DLG4: variants seen among roughly 807,000 people sequenced by gnomAD.
The protein encoded by DLG4 is disks large homolog 4.
A neutral mutation model predicts 93.8 loss-of-function variants in DLG4; 7 were observed. The ratio of observed to expected loss-of-function variants is 0.07; its 90% CI spans 0.04 to 0.14. The LOEUF (loss-of-function observed/expected upper bound fraction) is 0.14, where lower values mean the gene tolerates loss of function less well. Ranked by LOEUF, DLG4 falls within the 10% of genes least tolerant of loss-of-function variation. DLG4 has a pLI of 1.00. For synonymous variants in DLG4, 341 were observed against 387.6 expected, an observed-to-expected ratio of 0.88 and a Z score of 1.41; for missense variants, 545 against 992.9, an observed-to-expected ratio of 0.55 and a Z score of 6.06.
rs61283875 is a variant in DLG4 at position 7,187,547 on chromosome 17, C to CAATAATAATAATAAT, written c.*3146_*3160dup. On this transcript the variant is annotated 3_prime_UTR_variant, in exon 20 of 20. Transcript: ENST00000399506. ...GGCAACAAGAGCGAAACTCTGTCTC[C>CAATAATAATAATAAT]AATAATAATAATAATAATAATAATA... 5.6e-3 allele frequency among the ~76,000 whole-genome samples: 819 copies of CAATAATAATAATAAT among 145,854 alleles called. 3 individuals carry two copies. Among genetic ancestry groups the CAATAATAATAATAAT allele is most frequent in the African/African-American group, 7.3e-3 (289 of 39,638 alleles).
chr17:7,215,897 C>T (rs1212682614), intron 1 of DLG4, among the ~76,000 whole-genome samples: 4 of 141,936 alleles, frequency 2.8e-5, no homozygotes, highest in Non-Finnish European at 6.2e-5. Context: ...GTCCCACCCC[C>T]CAGCCCCCAG....
In DLG4 at chr17:7,195,717, C is replaced by T. The variant is rs1012984686; in HGVS notation, c.1301+503G>A. On this transcript the variant is annotated intron_variant, in intron 11 of 19. Transcript: ENST00000399506. The surrounding 1 kb of genome is among the most constrained non-coding windows in gnomAD (Gnocchi z 4.3). The stretch of plus-strand genomic sequence containing the variant: ...GGGACAGAAGTGGAGGGGTGACCCC[C>T]GGGGGCGGGAGAGAGGTGTGTTTTG... Among the ~76,000 whole-genome samples the T allele has an allele frequency of 1.3e-5, 2 of 151,966 alleles. No individual in the cohort carries two copies. Among genetic ancestry groups the T allele is most frequent in the Admixed American group, 6.6e-5 (1 of 15,258 alleles).
At position 7,195,359 on chromosome 17, in the gene DLG4, C is replaced by T. The variant is rs903673657; in HGVS notation, c.1301+861G>A. 1.3e-5 allele frequency among the ~76,000 whole-genome samples: 2 copies of T among 152,112 alleles called. No homozygotes were observed. The highest frequency in any genetic ancestry group is 2.9e-5 in the Non-Finnish European group (2 of 68,022). On this transcript the variant is annotated intron_variant, in intron 11 of 19. Coordinates refer to ENST00000399506, the MANE Select transcript of DLG4 (RefSeq NM_001321075.3). This position sits in a 1 kb window ranked among gnomAD's most constrained non-coding sequence, Gnocchi z 4.3. ...CTGTGGTCACTGGGAGTCAGAACAA[C>T]CTTGGGGACCAACCGGACCCGAGCA...
chr17:7,200,798 G>A (rs577452890), intron 8 of DLG4, among the ~76,000 whole-genome samples: 46 of 151,048 alleles, frequency 3.0e-4, no homozygotes, highest in African/African-American at 9.5e-4. Context: ...CACCCATCTC[G>A]GCCTCCCAAA....
chr17:7,190,963 CTTT>C (rs35868661), intron 19 of DLG4, 149 bp from the exon 20 acceptor site: 4,503 of 344,824 alleles, frequency 0.013, no homozygotes, highest in East Asian at 0.018. Context: ...AGGGGCACCT[CTTT>C]TTTTTTTTTT....
In DLG4 at chr17:7,196,568, C is replaced by T. The variant is rs911518263; in HGVS notation, c.1091G>A (p.Gly364Asp). The T allele has an allele frequency of 6.2e-7, 1 of 1,613,756 alleles. No individual in the cohort carries two copies. The highest frequency in any genetic ancestry group is 1.3e-5 in the African/African-American group (1 of 74,922). ...RKGDQILSVN[G>D]VDLRNASHEQ... ...ATGGCTGGCATTTCGGAGGTCCACA[C>T]CGTTGACCTAGAGAGAGGACGACAG... The change falls in exon 10 of 20, where the codon GGT (glycine) becomes GAT (aspartate). Residue 364 changes from glycine (G) to aspartate (D), a missense_variant. This residue lies in a region of DLG4 where 428 missense variants were observed against 741.4 expected (regional missense o/e 0.58). Transcript: ENST00000399506. The surrounding 1 kb of genome is among the most constrained non-coding windows in gnomAD (Gnocchi z 8.3).
chr17:7,197,448 G>A (rs2069852758), intron 8 of DLG4, among the ~76,000 whole-genome samples: 1 of 151,712 alleles, frequency 6.6e-6, no homozygotes, highest in African/African-American at 2.4e-5. Flanking sequence ...AAAAAACTAG[G>A]TCATTTGTCT....
chr17:7,211,686 T>C, intron 1 of DLG4: 3 of 974,750 alleles, frequency 3.1e-6, no homozygotes, highest in Non-Finnish European at 3.6e-6. Context: ...GGCGAATCTG[T>C]TCCGAGCCGA....
Position 7,188,085 on chromosome 17 carries a change from A to G in DLG4, c.*2623T>C, listed in dbSNP as rs1188006537. On this transcript the variant is annotated 3_prime_UTR_variant, in exon 20 of 20. Transcript: ENST00000399506. ...AACTCGACCTCAAAAAAAAAAAAAA[A>G]AAAATCCTCTGAAGCAGTGCTTCTC... Among the ~76,000 whole-genome samples, 1 of 151,980 alleles carries G rather than the reference A, an allele frequency of 6.6e-6. No individual in the cohort carries two copies. The highest frequency in any genetic ancestry group is 2.4e-5 in the African/African-American group (1 of 41,372).
At position 7,208,036 on chromosome 17, in the gene DLG4, G is replaced by C. The variant is rs1028595635; in HGVS notation, c.96+138C>G. The C allele has an allele frequency of 7.9e-7, 1 of 1,267,374 alleles. No individual in the cohort carries two copies. The highest frequency in any genetic ancestry group is 1.0e-6 in the Non-Finnish European group (1 of 999,262). 78.5% of individuals were successfully genotyped at this position (1,267,374 alleles called of 1,614,324 possible). A position where few individuals can be genotyped will look rare whatever the true frequency, so the allele number is the denominator to read the frequency against. On this transcript the variant is annotated intron_variant, in intron 2 of 19. Transcript: ENST00000399506. The surrounding 1 kb of genome is among the most constrained non-coding windows in gnomAD (Gnocchi z 5.4). ...GGGATTGCTGCAGCTCCGAGGCTCC[G>C]AGGGCCGCACTGGGGAGGGGGCCAC...
At position 7,217,584 on chromosome 17, in the gene DLG4, G is replaced by T; in HGVS notation, c.-437C>A. On this transcript the variant is annotated 5_prime_UTR_variant, in exon 1 of 20. Coordinates refer to ENST00000399506, the MANE Select transcript of DLG4 (RefSeq NM_001321075.3). ...GGTGGGGGGGTTGGAAACGGCAGCG[G>T]CCGAGGGAGCCGTGGAGCCGAAGAG... 7.3e-7 allele frequency: 1 copy of T among 1,370,266 alleles called. No homozygotes were observed. The highest frequency in any genetic ancestry group is 9.5e-7 in the Non-Finnish European group (1 of 1,054,968). 84.9% of individuals were successfully genotyped at this position (1,370,266 alleles called of 1,614,324 possible). A position where few individuals can be genotyped will look rare whatever the true frequency, so the allele number is the denominator to read the frequency against.
At position 7,208,319 on chromosome 17, in the gene DLG4, TC is replaced by T; in HGVS notation, c.31-81del. ...GCTGGCCGCCCTGGCCGCCGCCTCT[TC>T]CCCCAGCCAGTGCAGTGCGGAAGGC... is the stretch of plus-strand genomic sequence containing the variant. On this transcript the variant is annotated intron_variant, in intron 1 of 19. Coordinates refer to ENST00000399506, the MANE Select transcript of DLG4 (RefSeq NM_001321075.3). This position sits in a 1 kb window ranked among gnomAD's most constrained non-coding sequence, Gnocchi z 5.4. 1.6e-6 allele frequency: 2 copies of T among 1,240,938 alleles called. No individual in the cohort carries two copies. The highest frequency in any genetic ancestry group is 2.1e-6 in the Non-Finnish European group (2 of 965,704). The allele number at this position is 1,240,938 out of a possible 1,614,324, so 76.9% of individuals were successfully genotyped here.
Position 7,193,057 on chromosome 17 carries a change from G to A in DLG4, c.1754C>T (p.Ser585Phe). The A allele has an allele frequency of 6.2e-7, 1 of 1,613,760 alleles. No individual in the cohort carries two copies. Among genetic ancestry groups the A allele is most frequent in the Non-Finnish European group, 8.5e-7 (1 of 1,179,780 alleles). The change falls in exon 17 of 20, where the codon TCC (serine) becomes TTC (phenylalanine). Residue 585 changes from serine to phenylalanine, a missense_variant. Coordinates refer to ENST00000399506, the MANE Select transcript of DLG4 (RefSeq NM_001321075.3). This position sits in a 1 kb window ranked among gnomAD's most constrained non-coding sequence, Gnocchi z 6.7. ...AATGTCCTTCTCCATTTTCTCCCGG[G>A]ACGACACAAAGTGGTAATCCCGGCC... ...IDGRDYHFVS[S>F]REKMEKDIQA...
At chr17:7,200,540 T>G (rs1312476688) in intron 8 of DLG4, among the ~76,000 whole-genome samples, 2 of 106,302 alleles carry the variant, frequency 1.9e-5, no homozygotes, top group Admixed American at 9.1e-5. Flanking sequence ...ATAGCCACAT[T>G]CCTTTTTTTT....
At chr17:7,212,927 G>A (rs2070763752) in intron 1 of DLG4, among the ~76,000 whole-genome samples, 1 of 152,090 alleles carries the variant, frequency 6.6e-6, no homozygotes, top group South Asian at 2.1e-4. Context: ...TAGCTACTAG[G>A]GAGGCTGAGG....
rs748213401 is a variant in DLG4 at position 7,191,781 on chromosome 17, G to A, written c.1976+112C>T. 4.4e-4 allele frequency: 339 copies of A among 765,266 alleles called. 1 individual carries two copies. Among genetic ancestry groups the A allele is most frequent in the Non-Finnish European group, 6.2e-4 (300 of 482,470 alleles). 47.4% of individuals were successfully genotyped at this position (765,266 alleles called of 1,614,324 possible). Reference sequence around the variant, plus strand: ...GTTCCAGGGATCCCCCTCAGGGGCTGCTGAAACCGCTGTCCAGGGTTCTGA... The same window carrying A: ...GTTCCAGGGATCCCCCTCAGGGGCTACTGAAACCGCTGTCCAGGGTTCTGA... On this transcript the variant is annotated intron_variant, in intron 18 of 19. Coordinates refer to ENST00000399506, the MANE Select transcript of DLG4 (RefSeq NM_001321075.3). This position sits in a 1 kb window ranked among gnomAD's most constrained non-coding sequence, Gnocchi z 6.6.
At chr17:7,218,699 C>T (rs2071048998), upstream of DLG4, 9 of 1,540,454 alleles carry the variant, frequency 5.8e-6, no homozygotes, top group Non-Finnish European at 8.0e-6. Context: ...GATGAACACA[C>T]TGTCACTTCA....
rs2142828217 is a variant in DLG4 at position 7,193,992 on chromosome 17, C to T, written c.1487G>A (p.Arg496Gln). The change falls in exon 13 of 20, where the codon CGA (arginine) becomes CAA (glutamine). Residue 496 changes from arginine to glutamine, a missense_variant. By Grantham distance (43) the Arg-to-Gln change is conservative (BLOSUM62 1). Transcript: ENST00000399506. The surrounding 1 kb of genome is among the most constrained non-coding windows in gnomAD (Gnocchi z 6.7). ...GFIPSKRRVE[R>Q]REWSRLKAKD... ...GGCCTTTAACCTTGACCACTCTCGTCGCTCAACCCTGTGGGATACATGGAG... is the reference window on the plus strand; with the variant it reads ...GGCCTTTAACCTTGACCACTCTCGTTGCTCAACCCTGTGGGATACATGGAG... 1.2e-6 allele frequency: 2 copies of T among 1,613,718 alleles called. No individual in the cohort carries two copies. Among genetic ancestry groups the T allele is most frequent in the Non-Finnish European group, 1.7e-6 (2 of 1,179,804 alleles).
At chr17:7,217,672 T>A (rs1409737578), upstream of DLG4, 1 of 1,141,386 alleles carries the variant, frequency 8.8e-7, no homozygotes, top group Non-Finnish European at 1.1e-6. Context: ...GGAGCCAGAA[T>A]GGGGGGGGTG....
Sources: gnomAD v4.1 joint callset for allele counts (sites outside exome capture counted in the v4.1 genomes callset) on GRCh38, gnomAD v4.1.1 for gene constraint, gnomAD v4.1.1 regional missense constraint, Gnocchi (gnomAD v3.1) non-coding constraint, MANE v1.5 for transcripts, NCBI Gene and HGNC (gene_info 2026-07-23, HGNC 2026-07-21) for gene names.